The following HTR1F variants were observed in gnomAD, a reference collection of about 807,000 sequenced individuals.
HTR1F encodes 5-hydroxytryptamine receptor 1F, also known as 5-hydroxytryptamine (serotonin) receptor 1F, G protein-coupled.
Under a neutral mutation model 24.0 loss-of-function variants are expected in HTR1F, and 17 were observed. The ratio of observed to expected loss-of-function variants is 0.71; its 90% CI spans 0.48 to 1.06. The LOEUF is 1.06. HTR1F is among the 50% of genes least tolerant of loss of function. HTR1F has a pLI of 0.00. For synonymous variants in HTR1F, 186 were observed against 156.8 expected (o/e 1.19, Z -1.39); for missense variants, 391 against 427.8 (o/e 0.91, Z 0.76).
intron 2 of HTR1F, among the ~76,000 whole-genome samples, chr3:87,916,680 T>A (rs112338706): frequency 0.033 from 4,989 of 152,076 alleles, 250 homozygotes; most frequent in African/African-American, 0.11. Context: ...AATATCACAA[T>A]CCTAAACATA....
rs1238949296 is a variant in HTR1F at position 87,847,447 on chromosome 3, GTGTT to G, written c.-43+25328_-43+25331del. ...TACATATTTATGGGAGTACATGTGAGTGTTTGTTACATGCATAGAATATGTAATG... is the reference window on the plus strand; with the variant it reads ...TACATATTTATGGGAGTACATGTGAGTGTTACATGCATAGAATATGTAATG... On this transcript the variant is annotated intron_variant, in intron 2 of 2. Transcript: ENST00000319595. Among the ~76,000 whole-genome samples the G allele has an allele frequency of 3.3e-5, 5 of 151,806 alleles. No individual in the cohort carries two copies. The East Asian group carries it at 9.6e-4, about 29-fold the overall frequency.
intron 1 of HTR1F, among the ~76,000 whole-genome samples, chr3:87,808,113 A>G (rs1459717549): frequency 6.6e-6 from 1 of 151,908 alleles, no homozygotes; most frequent in Non-Finnish European, 1.5e-5. Context: ...TTTTGGTATC[A>G]GGATAATGCT....
At chr3:87,958,646 G>A (rs1176701228) in intron 2 of HTR1F, among the ~76,000 whole-genome samples, 2 of 151,530 alleles carry the variant, frequency 1.3e-5, no homozygotes, top group Admixed American at 1.3e-4. Flanking sequence ...GCCAAATCCA[G>A]TATCCCTTTA....
chr3:87,819,329 T>C (rs1704309986), intron 1 of HTR1F, among the ~76,000 whole-genome samples: 1 of 150,668 alleles, frequency 6.6e-6, no homozygotes, highest in South Asian at 2.1e-4. Flanking sequence ...ATCCCATTGT[T>C]ATACAATAAG....
chr3:87,876,462 A>G (rs761763493), intron 2 of HTR1F, among the ~76,000 whole-genome samples: 2 of 152,236 alleles, frequency 1.3e-5, no homozygotes, highest in Non-Finnish European at 2.9e-5. Flanking sequence ...CTTGTCACAT[A>G]GTAAAAACAC....
In HTR1F at chr3:87,933,413, C is replaced by T. The variant is rs1053686109; in HGVS notation, c.-42-57295C>T. ...CAATTAGGAAAAGAGGAAGTCAAATCGTCCCTCTTTGCAGACGACATGATT... is the reference window on the plus strand; with the variant it reads ...CAATTAGGAAAAGAGGAAGTCAAATTGTCCCTCTTTGCAGACGACATGATT... On this transcript the variant is annotated intron_variant, in intron 2 of 2. Transcript: ENST00000319595. Among the ~76,000 whole-genome samples the T allele has an allele frequency of 3.2e-4, 48 of 152,194 alleles. 1 individual carries two copies. The highest frequency in any genetic ancestry group is 7.9e-4 in the African/African-American group (33 of 41,526).
intron 1 of HTR1F, among the ~76,000 whole-genome samples, chr3:87,795,183 A>G (rs139662700): frequency 0.024 from 3,607 of 152,042 alleles, 66 homozygotes; most frequent in Middle Eastern, 0.044. Context: ...ACAAGGTTTC[A>G]CCATGTTGGC....
intron 2 of HTR1F, among the ~76,000 whole-genome samples, chr3:87,847,764 A>C (rs1373780241): frequency 6.6e-6 from 1 of 151,788 alleles, no homozygotes; most frequent in Non-Finnish European, 1.5e-5. Context: ...CAAGATTTTT[A>C]GTCCCCACAT....
At chr3:87,925,424 T>C (rs1215039219) in intron 2 of HTR1F, among the ~76,000 whole-genome samples, 1 of 152,072 alleles carries the variant, frequency 6.6e-6, no homozygotes, top group African/African-American at 2.4e-5. Flanking sequence ...CCACTTCTTT[T>C]TGGGGATGCA....
At chr3:87,877,962 T>C (rs1055767434) in intron 2 of HTR1F, among the ~76,000 whole-genome samples, 1 of 152,212 alleles carries the variant, frequency 6.6e-6, no homozygotes, top group African/African-American at 2.4e-5. Flanking sequence ...CTCTCAGTTT[T>C]AATATCTTAT....
At chr3:87,957,210 G>T (rs559821833) in intron 2 of HTR1F, among the ~76,000 whole-genome samples, 1 of 151,334 alleles carries the variant, frequency 6.6e-6, no homozygotes, top group East Asian at 1.9e-4. Flanking sequence ...CCAGTGAAAT[G>T]ATATCATGGT....
chr3:87,916,911 A>G (rs1703907337), intron 2 of HTR1F, among the ~76,000 whole-genome samples: 1 of 152,134 alleles, frequency 6.6e-6, no homozygotes, highest in South Asian at 2.1e-4. Context: ...ATAAATACAC[A>G]TTCTATTCAA....
intron 2 of HTR1F, among the ~76,000 whole-genome samples, chr3:87,867,611 T>C (rs1705457631): frequency 6.7e-6 from 1 of 148,976 alleles, no homozygotes. Context: ...ATGTGCAAGA[T>C]GTATGCAGTC....
At chr3:87,966,873 C>T (rs577040260) in intron 2 of HTR1F, among the ~76,000 whole-genome samples, 27 of 152,220 alleles carry the variant, frequency 1.8e-4, no homozygotes, top group African/African-American at 6.3e-4. Context: ...TCCTTTCCTA[C>T]TCTCATATGG....
chr3:87,910,139 C>T (rs1010348563), intron 2 of HTR1F: 6 of 152,022 alleles, frequency 3.9e-5, no homozygotes, highest in South Asian at 2.1e-4. Flanking sequence ...CCTAAGTATA[C>T]CTTCTCTCTT....
At chr3:87,953,426 C>A (rs1325323912) in intron 2 of HTR1F, among the ~76,000 whole-genome samples, 3 of 151,124 alleles carry the variant, frequency 2.0e-5, no homozygotes, top group Non-Finnish European at 4.4e-5. Flanking sequence ...ATACAAATGG[C>A]CAACAGGTAT....
At chr3:87,908,477 G>A (rs1274487248) in intron 2 of HTR1F, among the ~76,000 whole-genome samples, 1 of 151,894 alleles carries the variant, frequency 6.6e-6, no homozygotes, top group Non-Finnish European at 1.5e-5. Context: ...TGGGATAAAT[G>A]TCACTGTGGT....
At chr3:87,827,223 A>G (rs1347414739) in intron 2 of HTR1F, among the ~76,000 whole-genome samples, 3 of 150,334 alleles carry the variant, frequency 2.0e-5, no homozygotes, top group Non-Finnish European at 3.0e-5. Flanking sequence ...GCACCTATTG[A>G]CCCATCCTCT....
At chr3:87,920,842 A>T (rs371752863) in intron 2 of HTR1F, among the ~76,000 whole-genome samples, 15 of 152,044 alleles carry the variant, frequency 9.9e-5, no homozygotes, top group South Asian at 4.1e-4. Flanking sequence ...TACCTATATA[A>T]CAAACCCTGA....
Sources: allele counts gnomAD v4.1 joint callset (sites outside exome capture counted in the v4.1 genomes callset), GRCh38; gene constraint gnomAD v4.1.1; transcripts MANE v1.5; gene names NCBI Gene and HGNC (gene_info 2026-07-23, HGNC 2026-07-21).